LNPEP: variants seen among roughly 807,000 people sequenced by gnomAD.
The protein encoded by LNPEP is leucyl and cystinyl aminopeptidase.
LNPEP carries 64 observed loss-of-function variants against 120.6 expected under a neutral mutation model. The observed-to-expected ratio is 0.53, with a 90% CI of 0.43 to 0.65. The LOEUF (loss-of-function observed/expected upper bound fraction) is 0.65, where lower values mean the gene tolerates loss of function less well. LNPEP is among the 30% of genes least tolerant of loss of function. The pLI is 0.00. For missense variants in LNPEP, 1,057 were observed against 1,200.0 expected (o/e 0.88, Z 1.76); for synonymous variants, 435 against 425.4 (o/e 1.02, Z -0.28).
intron 4 of LNPEP, 83 bp downstream of exon 4, chr5:96,986,753 C>A: frequency 8.0e-7 from 1 of 1,249,836 alleles, no homozygotes; most frequent in Non-Finnish European, 1.1e-6. Flanking sequence ...CTGGTATTTG[C>A]TGTGTGAAAT....
chr5:97,033,207 A>G lies in LNPEP; in HGVS notation c.*4674A>G, dbSNP rs2112683586. Reference sequence around the variant, plus strand: ...CAATGAAATGTGGAGATCTCGATGTATAACAGTCTCCCATTCTCCTCATCC... The same window carrying G: ...CAATGAAATGTGGAGATCTCGATGTGTAACAGTCTCCCATTCTCCTCATCC... On this transcript the variant is annotated 3_prime_UTR_variant, in exon 18 of 18. Coordinates refer to ENST00000231368, the MANE Select transcript of LNPEP (RefSeq NM_005575.3). 8.0e-6 allele frequency: 1 copy of G among 124,670 alleles called. No homozygotes were observed. The highest frequency in any genetic ancestry group is 2.4e-4 in the East Asian group (1 of 4,126). 7.7% of individuals were successfully genotyped at this position (124,670 alleles called of 1,614,324 possible).
chr5:97,019,892 C>T (rs1582032818), intron 13 of LNPEP, among the ~76,000 whole-genome samples: 1 of 152,154 alleles, frequency 6.6e-6, no homozygotes, highest in African/African-American at 2.4e-5. Context: ...AGTGAAGACA[C>T]CACATAACAA....
Position 96,979,789 on chromosome 5 carries a change from C to G in LNPEP, c.671C>G (p.Ala224Gly). ...HNISRVTFMS[A>G]VSSQEKQAEI... Reference sequence around the variant, plus strand: ...ATTTCAAGAGTGACCTTTATGTCAGCAGTTTCAAGCCAAGAAAAACAAGCT... The same window carrying G: ...ATTTCAAGAGTGACCTTTATGTCAGGAGTTTCAAGCCAAGAAAAACAAGCT... Residue 224 changes from alanine to glycine, a missense_variant, in exon 2 of 18, where the codon GCA (alanine) becomes GGA (glycine). Ala to Gly is a moderately conservative substitution (Grantham distance 60, BLOSUM62 0). Transcript: ENST00000231368. 2 of 1,613,926 alleles carry G rather than the reference C, an allele frequency of 1.2e-6. No homozygotes were observed. Among genetic ancestry groups the G allele is most frequent in the Non-Finnish European group, 1.7e-6 (2 of 1,179,874 alleles).
rs748813298 is a variant in LNPEP at position 96,979,930 on chromosome 5, A to C, written c.812A>C (p.Tyr271Ser). 2.5e-6 allele frequency: 4 copies of C among 1,611,216 alleles called. No homozygotes were observed. The South Asian group carries it at 4.4e-5, about 18-fold the overall frequency. ...IEYSANISSS[Y>S]YGFYGFSYTD... ...TACTCGGCAAATATATCTAGTTCTTATTATGGGTTTTATGGCTTCTCCTAC... is the reference window on the plus strand; with the variant it reads ...TACTCGGCAAATATATCTAGTTCTTCTTATGGGTTTTATGGCTTCTCCTAC... Residue 271 changes from tyrosine (Y) to serine (S), a missense_variant, in exon 2 of 18, where the codon TAT becomes TCT. Coordinates refer to ENST00000231368, the MANE Select transcript of LNPEP (RefSeq NM_005575.3).
intron 10 of LNPEP, 82 bp downstream of exon 10, chr5:97,006,315 C>A: frequency 2.3e-6 from 3 of 1,326,668 alleles, no homozygotes; most frequent in South Asian, 1.3e-5. Context: ...ATCATAAGTT[C>A]TTGTGAAACC....
intron 1 of LNPEP, among the ~76,000 whole-genome samples, chr5:96,972,919 T>G (rs939054296): frequency 4.6e-5 from 7 of 152,072 alleles, no homozygotes; most frequent in African/African-American, 1.7e-4. Context: ...AGACCTTACT[T>G]GGATCTTGCT....
chr5:96,972,172 A>G (rs1789882859), intron 1 of LNPEP, among the ~76,000 whole-genome samples: 1 of 152,116 alleles, frequency 6.6e-6, no homozygotes, highest in African/African-American at 2.4e-5. Flanking sequence ...TTTTTAAGGC[A>G]GATCTGTGGA....
intron 9 of LNPEP, 112 bp from the exon 10 acceptor site, chr5:97,005,961 A>G: frequency 3.8e-6 from 1 of 260,446 alleles, no homozygotes; most frequent in Non-Finnish European, 7.2e-6. Flanking sequence ...TGTAGTCTTT[A>G]TAGATGGTAG....
At chr5:97,021,210 A>G (rs1240154529) in intron 13 of LNPEP, among the ~76,000 whole-genome samples, 1 of 150,746 alleles carries the variant, frequency 6.6e-6, no homozygotes, top group African/African-American at 2.5e-5. Context: ...TCTGTATATC[A>G]CTTTTATATT....
chr5:96,997,670 A>C (rs761934524), intron 7 of LNPEP, among the ~76,000 whole-genome samples: 9 of 152,110 alleles, frequency 5.9e-5, no homozygotes, highest in Non-Finnish European at 8.8e-5. Context: ...TTCAAGTTTC[A>C]TTTAAAAAAA....
At chr5:96,943,233 AAAAAG>A (rs200553463) in intron 1 of LNPEP, 7,145 of 205,910 alleles carry the variant, frequency 0.035, 138 homozygotes, top group South Asian at 0.094. Context: ...TAAAAAAAAA[AAAAAG>A]AAAACTATAG....
At chr5:96,963,054 T>A (rs1423357) in intron 1 of LNPEP, among the ~76,000 whole-genome samples, 61,163 of 152,032 alleles carry the variant, frequency 0.4, 12,379 homozygotes, top group Non-Finnish European at 0.43. Flanking sequence ...GAATACCAAG[T>A]GTTTCATTCT....
rs1215388182 is a variant in LNPEP at position 97,028,712 on chromosome 5, G to GGGCA, written c.*181_*184dup. ...CATCCATCTTTTCTGAAGTGTCTTT[G>GGGCA]GGCAGTATGTAGTTATTTATTACAA... On this transcript the variant is annotated 3_prime_UTR_variant, in exon 18 of 18. Coordinates refer to ENST00000231368, the MANE Select transcript of LNPEP (RefSeq NM_005575.3). 5.2e-6 allele frequency: 3 copies of GGGCA among 574,280 alleles called. No individual in the cohort carries two copies. In the Admixed American group the frequency reaches 9.4e-5, roughly 18 times the overall value. 35.6% of individuals were successfully genotyped at this position (574,280 alleles called of 1,614,324 possible).
intron 15 of LNPEP, among the ~76,000 whole-genome samples, chr5:97,026,320 C>T (rs1422758322): frequency 6.6e-6 from 1 of 151,938 alleles, no homozygotes; most frequent in Admixed American, 6.6e-5. Context: ...AAAAAATACC[C>T]ACCTCCCGAA....
chr5:96,939,001 TGAA>T (rs1788989297), intron 1 of LNPEP, among the ~76,000 whole-genome samples: 1 of 150,596 alleles, frequency 6.6e-6, no homozygotes, highest in African/African-American at 2.5e-5. Context: ...AAAAAAAAAT[TGAA>T]GGCAACTATC....
chr5:96,948,120 C>CTTTTT (rs769737708), intron 1 of LNPEP, among the ~76,000 whole-genome samples: 1 of 142,708 alleles, frequency 7.0e-6, no homozygotes, highest in African/African-American at 2.6e-5. Flanking sequence ...ACAAATTTCT[C>CTTTTT]TTTTTTTTTT....
At chr5:96,970,674 T>C (rs1789838719) in intron 1 of LNPEP, among the ~76,000 whole-genome samples, 1 of 152,042 alleles carries the variant, frequency 6.6e-6, no homozygotes, top group East Asian at 1.9e-4. Flanking sequence ...GATTCTTAAC[T>C]ATGCATCTTT....
intron 9 of LNPEP, among the ~76,000 whole-genome samples, chr5:97,004,512 A>C (rs1319101611): frequency 7.1e-6 from 1 of 141,012 alleles, no homozygotes; most frequent in Non-Finnish European, 1.6e-5. Context: ...ACTCTGTCTC[A>C]AAAAAAAAAA....
intron 13 of LNPEP, among the ~76,000 whole-genome samples, chr5:97,016,733 T>A (rs1484947145): frequency 6.6e-6 from 1 of 152,180 alleles, no homozygotes; most frequent in Non-Finnish European, 1.5e-5. Context: ...TTAAGAGATT[T>A]TTTTTATATC....
Sources: allele counts gnomAD v4.1 joint callset (sites outside exome capture counted in the v4.1 genomes callset), GRCh38; gene constraint gnomAD v4.1.1; transcripts MANE v1.5; gene names NCBI Gene and HGNC (gene_info 2026-07-23, HGNC 2026-07-21).